The following TMEM50B variants were observed in gnomAD, a reference collection of about 807,000 sequenced individuals.
The protein encoded by TMEM50B is HCV p7-trans-regulated protein 3.
TMEM50B carries 14 observed loss-of-function variants against 23.4 expected under a neutral mutation model. The observed-to-expected ratio is 0.60, with a 90% CI of 0.39 to 0.93. TMEM50B has a LOEUF of 0.93. Among genes scored for constraint, TMEM50B ranks in the 40% least tolerant of loss-of-function variants. The pLI is 0.00. For synonymous variants in TMEM50B, 64 were observed against 62.3 expected (o/e 1.03, Z -0.13); for missense variants, 159 against 193.0 (o/e 0.82, Z 1.04).
intron 8 of TMEM50B, among the ~76,000 whole-genome samples, chr21:33,434,119 T>TTTTCCTGCATAACCCCAGCCC (rs2083919260): frequency 2.0e-5 from 3 of 152,178 alleles, no homozygotes; most frequent in African/African-American, 7.2e-5. Context: ...GAAAGTCTTA[T>TTTTCCTGCATAACCCCAGCCC]TTTCCTGCAT....
At chr21:33,460,385 A>T (rs541274810) in intron 5 of TMEM50B, 28 bp downstream of exon 5, 4 of 1,404,916 alleles carry the variant, frequency 2.8e-6, no homozygotes, top group Non-Finnish European at 4.0e-6. Flanking sequence ...AATCTCTCCT[A>T]TAAAATACAA....
intron 6 of TMEM50B, among the ~76,000 whole-genome samples, chr21:33,452,271 A>G (rs1046786377): frequency 2.6e-5 from 4 of 152,244 alleles, no homozygotes; most frequent in Admixed American, 2.6e-4. Flanking sequence ...CCACAAGGCG[A>G]AATCCAGGTA....
downstream of TMEM50B, among the ~76,000 whole-genome samples, chr21:33,444,154 G>A (rs933870974): frequency 6.9e-6 from 1 of 143,966 alleles, no homozygotes; most frequent in African/African-American, 2.6e-5. Flanking sequence ...GCCCACCTTG[G>A]CCTCCCAAAG....
intron 4 of TMEM50B, chr21:33,465,059 G>T: frequency 3.3e-6 from 1 of 298,990 alleles, no homozygotes; most frequent in Non-Finnish European, 6.1e-6. Flanking sequence ...TCAACAATTG[G>T]GATAATAATA....
At chr21:33,446,233 ATTTTTT>A (rs368001708), downstream of TMEM50B, among the ~76,000 whole-genome samples, 11 of 142,120 alleles carry the variant, frequency 7.7e-5, no homozygotes, top group East Asian at 1.0e-3. Flanking sequence ...TATTTTTTTT[ATTTTTT>A]ATTTTTTATT....
rs115497844 is a variant in TMEM50B, at chr21:33,452,612, T to C, written c.432-1749A>G. ...GTAGGGGGACAAATCAGTCCTGGGC[T>C]ACAGCTGCTCTGGTCCTGCCTATAA... is the stretch of plus-strand genomic sequence containing the variant. On this transcript the variant is annotated intron_variant, in intron 6 of 6. Coordinates refer to ENST00000542230, the MANE Select transcript of TMEM50B (RefSeq NM_006134.7). Among the ~76,000 whole-genome samples, 576 of 152,352 alleles carry C rather than the reference T, an allele frequency of 3.8e-3. 1 individual carries two copies. The highest frequency in any genetic ancestry group is 0.013 in the African/African-American group (525 of 41,588).
At chr21:33,467,176 C>A in intron 2 of TMEM50B, 54 bp from the exon 3 acceptor site, 2 of 1,437,854 alleles carry the variant, frequency 1.4e-6, no homozygotes, top group Non-Finnish European at 2.0e-6. Context: ...AGCACAATAC[C>A]TGCTTTTTAA....
chr21:33,475,303 A>G (rs951190411), intron 1 of TMEM50B, among the ~76,000 whole-genome samples: 5 of 152,022 alleles, frequency 3.3e-5, no homozygotes, highest in Non-Finnish European at 7.4e-5. Context: ...TACATGTTTT[A>G]TATGCTTTTT....
chr21:33,471,020 A>T (rs1378727342), intron 1 of TMEM50B, among the ~76,000 whole-genome samples: 1 of 152,212 alleles, frequency 6.6e-6, no homozygotes, highest in Admixed American at 6.5e-5. Context: ...AAAAAGCCAC[A>T]GTCTTCTTGG....
At chr21:33,462,787 T>C (rs2084228453) in intron 4 of TMEM50B, among the ~76,000 whole-genome samples, 1 of 152,220 alleles carries the variant, frequency 6.6e-6, no homozygotes, top group African/African-American at 2.4e-5. Context: ...TGCTAATATA[T>C]ATTTTTTCTT....
intron 7 of TMEM50B, among the ~76,000 whole-genome samples, chr21:33,440,573 ACT>A (rs1222963186): frequency 6.7e-6 from 1 of 148,830 alleles, no homozygotes; most frequent in Non-Finnish European, 1.5e-5. Context: ...ACAGAGCGAG[ACT>A]CTGTCTCAAA....
intron 3 of TMEM50B, 45 bp downstream of exon 3, chr21:33,466,964 AT>A (rs746407991): frequency 2.6e-6 from 4 of 1,524,508 alleles, no homozygotes; most frequent in African/African-American, 1.4e-5. Context: ...ACAGGAAAGT[AT>A]TTTTAGAAAA....
chr21:33,458,655 T>C (rs2084190984), intron 5 of TMEM50B, among the ~76,000 whole-genome samples: 1 of 152,186 alleles, frequency 6.6e-6, no homozygotes, highest in South Asian at 2.1e-4. Context: ...ATTCTCAAAT[T>C]GGATTGTGAT....
At chr21:33,446,666 A>AC (rs1173273866), downstream of TMEM50B, among the ~76,000 whole-genome samples, 288 of 148,134 alleles carry the variant, frequency 1.9e-3, 6 homozygotes, top group Middle Eastern at 3.4e-3. Flanking sequence ...AAAAAAAAAA[A>AC]AAAAAAAAAA....
chr21:33,433,177 C>T (rs542070748), intron 8 of TMEM50B, among the ~76,000 whole-genome samples: 4 of 152,138 alleles, frequency 2.6e-5, no homozygotes, highest in Non-Finnish European at 1.5e-5. Flanking sequence ...GGAGCCACTG[C>T]GCCCGGCCAC....
intron 7 of TMEM50B, among the ~76,000 whole-genome samples, chr21:33,440,364 G>C: frequency 6.6e-6 from 1 of 152,062 alleles, no homozygotes. Context: ...GAGGTGGGCG[G>C]ATCATTTGAG....
At chr21:33,438,739 TTTTC>T (rs1183288725) in intron 8 of TMEM50B, among the ~76,000 whole-genome samples, 1 of 151,140 alleles carries the variant, frequency 6.6e-6, no homozygotes, top group Non-Finnish European at 1.5e-5. Flanking sequence ...GGCTTTTTTT[TTTTC>T]TTTTGAGACA....
intron 8 of TMEM50B, among the ~76,000 whole-genome samples, chr21:33,433,807 C>G (rs2083915717): frequency 6.7e-6 from 1 of 150,122 alleles, no homozygotes; most frequent in African/African-American, 2.5e-5. Flanking sequence ...TTTTTAATGG[C>G]ATGGGGTTGG....
downstream of TMEM50B, among the ~76,000 whole-genome samples, chr21:33,444,457 A>ATC (rs986706327): frequency 6.6e-6 from 1 of 151,680 alleles, no homozygotes; most frequent in African/African-American, 2.4e-5. Context: ...AGGAGAGAGG[A>ATC]TCTCTTGAGC....
Sources: allele counts gnomAD v4.1 joint callset (sites outside exome capture counted in the v4.1 genomes callset), GRCh38; gene constraint gnomAD v4.1.1; transcripts MANE v1.5; gene names NCBI Gene and HGNC (gene_info 2026-07-23, HGNC 2026-07-21).